PATJ: variants seen among roughly 807,000 people sequenced by gnomAD.
PATJ encodes the protein inaD-like protein.
PATJ carries 190 observed loss-of-function variants against 224.9 expected under a neutral mutation model. The observed-to-expected ratio is 0.84, with a 90% CI of 0.75 to 0.95. PATJ has a LOEUF of 0.95. Among genes scored for constraint, PATJ ranks in the 40% least tolerant of loss-of-function variants. The probability of loss-of-function intolerance (pLI) is 0.00; values close to 1 mark genes in which losing one functional copy is unlikely to be tolerated. For synonymous variants in PATJ, 769 were observed against 820.3 expected (o/e 0.94, Z 1.07); for missense variants, 2,121 against 2,270.3 (o/e 0.93, Z 1.34).
At chr1:61,857,215 T>A (rs936667864) in intron 18 of PATJ, among the ~76,000 whole-genome samples, 19 of 152,304 alleles carry the variant, frequency 1.2e-4, no homozygotes, top group South Asian at 2.1e-4. Flanking sequence ...CAACAAAAAC[T>A]TAATGATGAT....
intron 18 of PATJ, among the ~76,000 whole-genome samples, chr1:61,861,341 T>C (rs545198171): frequency 6.7e-6 from 1 of 149,576 alleles, no homozygotes; most frequent in Admixed American, 6.7e-5. Flanking sequence ...TCTTTCTTTC[T>C]TTTACTTTAA....
intron 33 of PATJ, among the ~76,000 whole-genome samples, chr1:62,088,840 T>C (rs997597003): frequency 6.8e-6 from 1 of 147,356 alleles, no homozygotes; most frequent in East Asian, 2.0e-4. Flanking sequence ...ATAGAATATA[T>C]AGAACATATA....
intron 1 of PATJ, among the ~76,000 whole-genome samples, chr1:61,748,605 C>T (rs769068290): frequency 6.6e-6 from 1 of 152,130 alleles, no homozygotes; most frequent in Non-Finnish European, 1.5e-5. Flanking sequence ...ATAACCTCCT[C>T]CCTTATACTC....
chr1:61,761,556 A>G (rs888649056), intron 1 of PATJ, among the ~76,000 whole-genome samples: 6 of 152,198 alleles, frequency 3.9e-5, no homozygotes, highest in African/African-American at 1.2e-4. Context: ...GTGTTTTTAA[A>G]TTAGGTTTGA....
intron 7 of PATJ, among the ~76,000 whole-genome samples, chr1:61,780,280 A>G (rs1479923470): frequency 1.3e-5 from 2 of 152,122 alleles, no homozygotes; most frequent in Non-Finnish European, 2.9e-5. Flanking sequence ...CCTGGCCAAC[A>G]TGGTGAAACC....
At chr1:61,772,199 T>C (rs1319133133) in intron 6 of PATJ, among the ~76,000 whole-genome samples, 1 of 151,158 alleles carries the variant, frequency 6.6e-6, no homozygotes, top group Non-Finnish European at 1.5e-5. Flanking sequence ...TAGGTGTAAT[T>C]TATTTAGTGA....
intron 42 of PATJ, among the ~76,000 whole-genome samples, chr1:62,152,742 C>A (rs1327164251): frequency 1.3e-5 from 2 of 152,168 alleles, no homozygotes; most frequent in Non-Finnish European, 2.9e-5. Context: ...TATGTGAAGA[C>A]TGGCAGTCTC....
At chr1:61,761,670 G>C (rs1645978439) in intron 1 of PATJ, among the ~76,000 whole-genome samples, 1 of 151,826 alleles carries the variant, frequency 6.6e-6, no homozygotes, top group Non-Finnish European at 1.5e-5. Context: ...ATATTCCTCT[G>C]GGTGTTCCTC....
intron 41 of PATJ, among the ~76,000 whole-genome samples, chr1:62,143,575 C>G (rs1212816383): frequency 2.0e-5 from 3 of 150,608 alleles, no homozygotes; most frequent in Non-Finnish European, 4.4e-5. Flanking sequence ...CTCAGCCTCC[C>G]AAGTAGCTGG....
Position 62,051,070 on chromosome 1 carries a change from G to A in PATJ, c.4125+12G>A. 6.3e-7 allele frequency: 1 copy of A among 1,588,864 alleles called. No homozygotes were observed. Among genetic ancestry groups the A allele is most frequent in the Non-Finnish European group, 8.6e-7 (1 of 1,157,922 alleles). On this transcript the variant is annotated intron_variant, in intron 31 of 43. Transcript: ENST00000642238. ...AAAGCTTCAAACTGGTGAGAATCTTGAGTATTTTTCATCCTGTATTCTGTT... is the reference window on the plus strand; with the variant it reads ...AAAGCTTCAAACTGGTGAGAATCTTAAGTATTTTTCATCCTGTATTCTGTT...
At chr1:62,072,746 TAAAAAAAAA>T (rs554442397) in intron 31 of PATJ, 1 of 126,616 alleles carries the variant, frequency 7.9e-6, no homozygotes, top group African/African-American at 3.1e-5. Flanking sequence ...GTCTTTTATT[TAAAAAAAAA>T]AAAAAAAAAG....
chr1:61,746,555 T>TA (rs1369364628), intron 1 of PATJ, among the ~76,000 whole-genome samples: 1 of 152,184 alleles, frequency 6.6e-6, no homozygotes, highest in East Asian at 1.9e-4. Flanking sequence ...TAACAAGAGT[T>TA]ATGGGAGTTA....
chr1:62,063,640 A>G (rs1655918636), intron 31 of PATJ, among the ~76,000 whole-genome samples: 1 of 152,222 alleles, frequency 6.6e-6, no homozygotes, highest in South Asian at 2.1e-4. Context: ...GTCCATGAGC[A>G]TAGAATGTTT....
chr1:61,929,582 A>G lies in PATJ; in HGVS notation c.3670+1753A>G, dbSNP rs60640284. The stretch of plus-strand genomic sequence containing the variant: ...AACTTTGTGAAGTTCTAATTATACA[A>G]ATGAAAGCTCAGAGAAATTAAAGAA... On this transcript the variant is annotated intron_variant, in intron 27 of 43. Transcript: ENST00000642238. 3.2e-3 allele frequency among the ~76,000 whole-genome samples: 484 copies of G among 152,328 alleles called. 1 individual carries two copies. The highest frequency in any genetic ancestry group is 0.011 in the African/African-American group (464 of 41,584).
intron 14 of PATJ, among the ~76,000 whole-genome samples, chr1:61,820,337 C>T (rs1657000180): frequency 6.6e-6 from 1 of 151,454 alleles, no homozygotes; most frequent in Admixed American, 6.6e-5. Flanking sequence ...CGTGCCTGGC[C>T]TATTTATTTA....
chr1:61,846,890 C>T (rs989164964), intron 17 of PATJ, among the ~76,000 whole-genome samples: 5 of 152,224 alleles, frequency 3.3e-5, no homozygotes, highest in African/African-American at 1.2e-4. Flanking sequence ...TGAGCCACTG[C>T]ACCCAGCTAC....
Position 61,861,284 on chromosome 1 carries a change from C to CTTTTTTTTTTTTTTTTTTTTT in PATJ, c.2323-264_2323-244dup. Among the ~76,000 whole-genome samples, 247 of 48,834 alleles carry CTTTTTTTTTTTTTTTTTTTTT rather than the reference C, an allele frequency of 5.1e-3. 32 individuals are homozygous for CTTTTTTTTTTTTTTTTTTTTT. The highest frequency in any genetic ancestry group is 7.3e-3 in the Admixed American group (23 of 3,152). 32.0% of individuals were successfully genotyped at this position (48,834 alleles called of 152,430 possible). ...TGAAACCAGGATATTTTCTTTCTTT[C>CTTTTTTTTTTTTTTTTTTTTT]TTTTTTTTTTTTTTTTTTTTTTTAC... On this transcript the variant is annotated intron_variant, in intron 18 of 43. Coordinates refer to ENST00000642238, the MANE Select transcript of PATJ (RefSeq NM_001350145.3).
intron 15 of PATJ, among the ~76,000 whole-genome samples, chr1:61,824,111 A>AT (rs1657780432): frequency 6.6e-6 from 1 of 152,180 alleles, no homozygotes; most frequent in African/African-American, 2.4e-5. Context: ...ATCTTTGTGG[A>AT]TATCATACAT....
chr1:61,787,812 G>A lies in PATJ; in HGVS notation c.908G>A (p.Gly303Glu). The A allele has an allele frequency of 1.9e-6, 3 of 1,614,190 alleles. No individual in the cohort carries two copies. Among genetic ancestry groups the A allele is most frequent in the Middle Eastern group, 1.6e-4 (1 of 6,062 alleles). The change falls in exon 8 of 44, where the codon GGA (glycine) becomes GAA (glutamate). Residue 303 changes from glycine to glutamate, a missense_variant. Transcript: ENST00000642238. ...ILKIGGTNVQ[G>E]MTSEQVAQVL... ...AAGATTGGTGGCACAAACGTGCAGG[G>A]AATGACCAGTGAGCAAGTTGCACAA...
Sources: gnomAD v4.1 joint callset for allele counts (sites outside exome capture counted in the v4.1 genomes callset) on GRCh38, gnomAD v4.1.1 for gene constraint, MANE v1.5 for transcripts, NCBI Gene and HGNC (gene_info 2026-07-23, HGNC 2026-07-21) for gene names.